The following UMAD1 variants were observed in gnomAD, a reference collection of about 807,000 sequenced individuals.
UMAD1 encodes the protein UBAP1-MVB12-associated (UMA) domain containing 1.
UMAD1 carries 8 observed loss-of-function variants against 6.1 expected under a neutral mutation model. The ratio of observed to expected loss-of-function variants is 1.30; its 90% CI spans 0.76 to 2.35. The LOEUF is 2.35. Ranked by LOEUF, UMAD1 falls within the 30% of genes most tolerant of loss-of-function variation. The pLI, the probability that UMAD1 is intolerant of heterozygous loss-of-function variation, is 0.00. For synonymous variants in UMAD1, 56 were observed against 31.4 expected (o/e 1.78, Z -2.61); for missense variants, 130 against 78.4 (o/e 1.66, Z -2.49).
chr7:7,721,627 C>T (rs1781051163), intron 2 of UMAD1, among the ~76,000 whole-genome samples: 1 of 152,200 alleles, frequency 6.6e-6, no homozygotes, highest in African/African-American at 2.4e-5. Context: ...CTCACTTCCA[C>T]CCCAGGAAAG....
chr7:7,733,891 T>C (rs921780086), intron 2 of UMAD1, among the ~76,000 whole-genome samples: 1 of 152,012 alleles, frequency 6.6e-6, no homozygotes, highest in Non-Finnish European at 1.5e-5. Context: ...CATCTCTCTT[T>C]AGAGAAGAAA....
intron 2 of UMAD1, among the ~76,000 whole-genome samples, chr7:7,796,455 T>C (rs1023939104): frequency 6.6e-6 from 1 of 151,974 alleles, no homozygotes; most frequent in Admixed American, 6.6e-5. Flanking sequence ...TTCTCCATGT[T>C]GGACAGGCTG....
chr7:7,833,925 A>G (rs1783512379), intron 3 of UMAD1, among the ~76,000 whole-genome samples: 1 of 152,068 alleles, frequency 6.6e-6, no homozygotes, highest in East Asian at 1.9e-4. Flanking sequence ...ACTGGTTTCC[A>G]AGGAGATTCC....
intron 2 of UMAD1, among the ~76,000 whole-genome samples, chr7:7,747,836 T>C (rs1385168417): frequency 1.3e-5 from 2 of 152,244 alleles, no homozygotes; most frequent in Non-Finnish European, 2.9e-5. Context: ...AAGTTTTGCC[T>C]GTATTTTGGG....
chr7:7,825,695 T>C (rs572753690), intron 3 of UMAD1, among the ~76,000 whole-genome samples: 67 of 152,274 alleles, frequency 4.4e-4, no homozygotes, highest in African/African-American at 1.5e-3. Context: ...TGAATAATAT[T>C]GGCATGATAT....
At chr7:7,843,930 G>A (rs975164554) in intron 3 of UMAD1, among the ~76,000 whole-genome samples, 7 of 152,144 alleles carry the variant, frequency 4.6e-5, no homozygotes. Flanking sequence ...TGCCTGCCAT[G>A]CTATATGTTT....
chr7:7,682,493 A>C (rs1026653715), intron 2 of UMAD1, among the ~76,000 whole-genome samples: 1 of 152,144 alleles, frequency 6.6e-6, no homozygotes, highest in African/African-American at 2.4e-5. Context: ...TCCTTTATTT[A>C]AAAGTGGAAA....
chr7:7,840,548 C>A (rs986906580), intron 3 of UMAD1, among the ~76,000 whole-genome samples: 1 of 115,790 alleles, frequency 8.6e-6, no homozygotes, highest in African/African-American at 3.2e-5. Flanking sequence ...CTGTTGTAGA[C>A]TGGGGGACTA....
intron 3 of UMAD1, among the ~76,000 whole-genome samples, chr7:7,804,789 G>T (rs1782875068): frequency 6.6e-6 from 1 of 152,220 alleles, no homozygotes; most frequent in South Asian, 2.1e-4. Context: ...AGACCATTCT[G>T]GCTAACATGG....
At chr7:7,751,586 A>G (rs1051381445) in intron 2 of UMAD1, among the ~76,000 whole-genome samples, 11 of 152,204 alleles carry the variant, frequency 7.2e-5, no homozygotes, top group African/African-American at 1.4e-4. Context: ...TGAATGTTGT[A>G]TATGAGGGTG....
At chr7:7,845,668 G>T (rs965201480) in intron 3 of UMAD1, among the ~76,000 whole-genome samples, 5 of 152,072 alleles carry the variant, frequency 3.3e-5, no homozygotes, top group Non-Finnish European at 5.9e-5. Context: ...TGAAATATCA[G>T]TTATTAGCTA....
At chr7:7,686,528 T>C (rs1780044903) in intron 2 of UMAD1, among the ~76,000 whole-genome samples, 1 of 152,224 alleles carries the variant, frequency 6.6e-6, no homozygotes, top group African/African-American at 2.4e-5. Context: ...TGCAGCATCA[T>C]GTCCTGAATG....
chr7:7,708,000 G>A (rs1583759508), intron 2 of UMAD1, among the ~76,000 whole-genome samples: 2 of 152,064 alleles, frequency 1.3e-5, no homozygotes, highest in Non-Finnish European at 2.9e-5. Context: ...TTTTAATGCG[G>A]CTCCTCCTGA....
intron 3 of UMAD1, among the ~76,000 whole-genome samples, chr7:7,840,573 A>T (rs1325827095): frequency 6.6e-6 from 1 of 151,942 alleles, no homozygotes. Context: ...AGGAAGGAGG[A>T]TTGATTCAGA....
intron 3 of UMAD1, among the ~76,000 whole-genome samples, chr7:7,847,103 AAATATATATATATATATATATATATAT>A (rs1264741268): frequency 0.2 from 4,123 of 20,742 alleles, 713 homozygotes; most frequent in South Asian, 0.3. Flanking sequence ...AAAAAAAAAA[AAATATATATATATATATATATATATAT>A]ATATATATAT....
chr7:7,724,860 A>G (rs1024937155), intron 2 of UMAD1, among the ~76,000 whole-genome samples: 1 of 152,224 alleles, frequency 6.6e-6, no homozygotes, highest in African/African-American at 2.4e-5. Flanking sequence ...GTTCTACCTC[A>G]GGGGTATATC....
At chr7:7,703,062 A>G (rs1328484346) in intron 2 of UMAD1, among the ~76,000 whole-genome samples, 1 of 152,186 alleles carries the variant, frequency 6.6e-6, no homozygotes, top group Non-Finnish European at 1.5e-5. Context: ...TACTACACTG[A>G]GTTTACTGCC....
chr7:7,731,447 G>T (rs954053980), intron 2 of UMAD1, among the ~76,000 whole-genome samples: 2 of 136,054 alleles, frequency 1.5e-5, no homozygotes, highest in Non-Finnish European at 3.1e-5. Context: ...CAGTGAGGAA[G>T]AAAAAGGAAA....
In UMAD1 at chr7:7,877,646, C is replaced by T. The variant is rs1215286833; in HGVS notation, c.*108C>T. ...ACTGTTTAAGGTCCTCAGCAAGGAT[C>T]ATAAAGCAAAGAAAATAGCATTATG... On this transcript the variant is annotated 3_prime_UTR_variant, in exon 4 of 4. Transcript: ENST00000682710. The T allele has an allele frequency of 3.2e-6, 2 of 621,104 alleles. No individual in the cohort carries two copies. Among genetic ancestry groups the T allele is most frequent in the East Asian group, 2.7e-5 (1 of 36,494 alleles). 38.5% of individuals were successfully genotyped at this position (621,104 alleles called of 1,614,324 possible).
Sources: gnomAD v4.1 joint callset for allele counts (sites outside exome capture counted in the v4.1 genomes callset) on GRCh38, gnomAD v4.1.1 for gene constraint, MANE v1.5 for transcripts, NCBI Gene and HGNC (gene_info 2026-07-23, HGNC 2026-07-21) for gene names.